Variants in PROC observed in about 807,000 individuals in gnomAD.
PROC encodes the protein vitamin K-dependent protein C.
In PROC, 22 loss-of-function variants were observed where a neutral mutation model predicts 36.3. The ratio of observed to expected loss-of-function variants is 0.61; its 90% CI spans 0.43 to 0.86. The LOEUF (loss-of-function observed/expected upper bound fraction) is 0.86. Ranked by LOEUF, PROC falls within the 40% of genes least tolerant of loss-of-function variation. The pLI is 0.00. For missense variants in PROC, 526 were observed against 629.7 expected, an observed-to-expected ratio of 0.84 and a Z score of 1.76; for synonymous variants, 218 against 244.5, an observed-to-expected ratio of 0.89 and a Z score of 1.01.
chr2:127,423,564 CG>C, intron 6 of PROC, 156 bp downstream of exon 6: 1 of 979,590 alleles, frequency 1.0e-6, no homozygotes, highest in South Asian at 1.9e-5. Context: ...GCCCCAACAC[CG>C]GGGCCACTGT....
At position 127,426,529 on chromosome 2, in the gene PROC, T is replaced by A. The variant is rs1688510636; in HGVS notation, c.678+302T>A. On this transcript the variant is annotated intron_variant, in intron 7 of 8. Coordinates refer to ENST00000234071, the MANE Select transcript of PROC (RefSeq NM_000312.4). The surrounding 1 kb of genome is among the most constrained non-coding windows in gnomAD (Gnocchi z 7.0). Reference sequence around the variant, plus strand: ...GCGGGATTTTAGGCAGAAGCCCTGCTGATGGGAGAGGGCTAGGAGGGAGGG... The same window carrying A: ...GCGGGATTTTAGGCAGAAGCCCTGCAGATGGGAGAGGGCTAGGAGGGAGGG... 2.2e-6 allele frequency: 1 copy of A among 453,154 alleles called. No homozygotes were observed. The highest frequency in any genetic ancestry group is 3.4e-5 in the Admixed American group (1 of 29,012). The allele number at this position is 453,154 out of a possible 1,614,324, so 28.1% of individuals were successfully genotyped here. A position where few individuals can be genotyped will look rare whatever the true frequency, so the allele number is the denominator to read the frequency against.
intron 6 of PROC, chr2:127,423,738 G>A: frequency 2.8e-6 from 1 of 354,178 alleles, no homozygotes; most frequent in Non-Finnish European, 5.1e-6. Flanking sequence ...TATCTGGGGC[G>A]AGGCGTGCAG....
At position 127,426,915 on chromosome 2, in the gene PROC, G is replaced by A. The variant is rs149452013; in HGVS notation, c.679-190G>A. Among the ~76,000 whole-genome samples, 96 of 152,352 alleles carry A rather than the reference G, an allele frequency of 6.3e-4. 1 individual carries two copies. Among genetic ancestry groups the A allele is most frequent in the African/African-American group, 2.3e-3 (94 of 41,584 alleles). ...TATGAACAGTGCAGGAACAGCATGG[G>A]CAAAGGCAGGAAGACACCCTGGGAC... On this transcript the variant is annotated intron_variant, in intron 7 of 8. Transcript: ENST00000234071. This position sits in a 1 kb window ranked among gnomAD's most constrained non-coding sequence, Gnocchi z 7.0.
intron 3 of PROC, among the ~76,000 whole-genome samples, chr2:127,422,406 G>A (rs1573440008): frequency 6.6e-6 from 1 of 152,246 alleles, no homozygotes; most frequent in African/African-American, 2.4e-5. Context: ...GGGTCTCAAC[G>A]TGGGCTGGGT....
At chr2:127,425,613 C>T (rs973644994) in intron 6 of PROC, among the ~76,000 whole-genome samples, 4 of 152,350 alleles carry the variant, frequency 2.6e-5, no homozygotes, top group Admixed American at 1.3e-4. Flanking sequence ...CCCCCAACAG[C>T]CCTGGGGTAC....
rs1687886729 is a variant in PROC at position 127,418,462 on chromosome 2, CG to C, written c.-51del. The C allele has an allele frequency of 7.8e-7, 1 of 1,289,664 alleles. No homozygotes were observed. Among genetic ancestry groups the C allele is most frequent in the East Asian group, 5.5e-5 (1 of 18,034 alleles). 79.9% of individuals were successfully genotyped at this position (1,289,664 alleles called of 1,614,324 possible). The stretch of plus-strand genomic sequence containing the variant: ...CCAGGCTGTCATGGCGGCAGGACGG[CG>C]AACTTGCAGTATCTCCACGACCCGC... On this transcript the variant is annotated 5_prime_UTR_variant, in exon 1 of 9. Coordinates refer to ENST00000234071, the MANE Select transcript of PROC (RefSeq NM_000312.4). This position sits in a 1 kb window ranked among gnomAD's most constrained non-coding sequence, Gnocchi z 4.8.
At chr2:127,424,833 C>T (rs1467034736) in intron 6 of PROC, among the ~76,000 whole-genome samples, 3 of 152,236 alleles carry the variant, frequency 2.0e-5, no homozygotes, top group African/African-American at 7.2e-5. Context: ...AACCCCAGAT[C>T]GTGAGGGCTT....
chr2:127,423,074 C>A lies in PROC; in HGVS notation c.303C>A (p.Cys101Ter), dbSNP rs764808999. ...TGGTCTTGCCCTTGGAGCACCCGTGCGCCAGCCTGTGCTGCGGGCACGGCA... is the reference window on the plus strand; with the variant it reads ...TGGTCTTGCCCTTGGAGCACCCGTGAGCCAGCCTGTGCTGCGGGCACGGCA... ...QCLVLPLEHP[C>*]ASLCCGHGTC... The change falls in exon 5 of 9, where the codon TGC becomes TGA. Residue 101 changes from cysteine (C) to a stop codon, truncating the protein, a stop_gained. Transcript: ENST00000234071. LOFTEE classifies it high-confidence loss of function. The A allele has an allele frequency of 6.2e-7, 1 of 1,612,042 alleles. No individual in the cohort carries two copies. Among genetic ancestry groups the A allele is most frequent in the Admixed American group, 1.7e-5 (1 of 59,998 alleles).
intron 6 of PROC, among the ~76,000 whole-genome samples, chr2:127,425,770 G>T (rs1688452598): frequency 6.6e-6 from 1 of 151,460 alleles, no homozygotes; most frequent in African/African-American, 2.4e-5. Context: ...GTATCTCAGG[G>T]ATTACCCCCA....
Position 127,427,203 on chromosome 2 carries a change from G to T in PROC, c.777G>T (p.Lys259Asn). 6.2e-7 allele frequency: 1 copy of T among 1,613,218 alleles called. No individual in the cohort carries two copies. Among genetic ancestry groups the T allele is most frequent in the Non-Finnish European group, 8.5e-7 (1 of 1,179,914 alleles). The change falls in exon 8 of 9, where the codon AAG becomes AAT. Residue 259 changes from lysine (K) to asparagine (N), a missense_variant. Transcript: ENST00000234071. ...LTAAHCMDES[K>N]KLLVRLGEYD... is the part of the protein sequence containing the mutation. ...CGGCCCACTGCATGGATGAGTCCAA[G>T]AAGCTCCTTGTCAGGCTTGGTATGG...
At position 127,420,366 on chromosome 2, in the gene PROC, A is replaced by T. The variant is rs2069909; in HGVS notation, c.70+354A>T. ...GGCTACCGTCCACACTATCCAGCAC[A>T]GCCTCCCCTACTCAAATGCACACTG... is the stretch of plus-strand genomic sequence containing the variant. On this transcript the variant is annotated intron_variant, in intron 2 of 8. Coordinates refer to ENST00000234071, the MANE Select transcript of PROC (RefSeq NM_000312.4). 4.2e-3 allele frequency among the ~76,000 whole-genome samples: 636 copies of T among 152,252 alleles called. 1 individual carries two copies. The highest frequency in any genetic ancestry group is 0.014 in the African/African-American group (562 of 41,556).
intron 2 of PROC, among the ~76,000 whole-genome samples, chr2:127,420,554 G>T (rs1437307675): frequency 6.6e-6 from 1 of 152,060 alleles, no homozygotes; most frequent in Non-Finnish European, 1.5e-5. Context: ...CTTGGGACCT[G>T]CACCTCCACC....
Position 127,419,939 on chromosome 2 carries a change from C to T in PROC, c.-4C>T, listed in dbSNP as rs2104939966. ...CTCCTCAGACAGGTGCCAGTGCCTC[C>T]AGAATGTGGCAGCTCACAAGCCTCC... On this transcript the variant is annotated 5_prime_UTR_variant, in exon 2 of 9. The change creates a premature stop within an existing upstream ORF in the 5' untranslated region. Coordinates refer to ENST00000234071, the MANE Select transcript of PROC (RefSeq NM_000312.4). 6.2e-7 allele frequency: 1 copy of T among 1,614,002 alleles called. No individual in the cohort carries two copies. Among genetic ancestry groups the T allele is most frequent in the African/African-American group, 1.3e-5 (1 of 75,058 alleles).
At chr2:127,421,562 G>T in intron 3 of PROC, 113 bp downstream of exon 3, 1 of 1,270,902 alleles carries the variant, frequency 7.9e-7, no homozygotes, top group Non-Finnish European at 1.1e-6. Context: ...AGTTGTGGGG[G>T]TGGCTGAGTG....
intron 8 of PROC, 152 bp from the exon 9 acceptor site, chr2:127,428,205 G>A: frequency 1.3e-6 from 1 of 769,574 alleles, no homozygotes; most frequent in South Asian, 1.6e-5. Flanking sequence ...CCGCGCCAGT[G>A]CCTGGGACGT....
chr2:127,426,340 T>TTGGGGGATGATGAAGG lies in PROC; in HGVS notation c.678+123_678+138dup. On this transcript the variant is annotated intron_variant, in intron 7 of 8. Coordinates refer to ENST00000234071, the MANE Select transcript of PROC (RefSeq NM_000312.4). This position sits in a 1 kb window ranked among gnomAD's most constrained non-coding sequence, Gnocchi z 7.0. ...CGAGAGGGAAGCGCTGCCATTGCGT[T>TTGGGGGATGATGAAGG]TGGGGGATGATGAAGGTGGGGGATG... is the stretch of plus-strand genomic sequence containing the variant. 1 of 1,471,066 alleles carries TTGGGGGATGATGAAGG rather than the reference T, an allele frequency of 6.8e-7. No homozygotes were observed. The highest frequency in any genetic ancestry group is 9.4e-7 in the Non-Finnish European group (1 of 1,064,494). 91.1% of individuals were successfully genotyped at this position (1,471,066 alleles called of 1,614,324 possible).
chr2:127,419,705 G>C, intron 1 of PROC: 1 of 1,110,840 alleles, frequency 9.0e-7, no homozygotes, highest in Non-Finnish European at 1.2e-6. Flanking sequence ...GCATTCTGGA[G>C]CTGCTTTCTA....
intron 6 of PROC, among the ~76,000 whole-genome samples, chr2:127,424,208 T>A (rs1259177039): frequency 2.0e-5 from 3 of 151,928 alleles, no homozygotes; most frequent in Non-Finnish European, 4.4e-5. Context: ...TTTTTTTTCT[T>A]TTTTTTTGAG....
rs1573453002 is a variant in PROC at position 127,426,128 on chromosome 2, G to A, written c.579G>A (p.Lys193=). ...CGRPWKRMEK[K]RSHLKRDTED... ...GGCCCTGGAAGCGGATGGAGAAGAA[G>A]CGCAGTCACCTGAAACGAGACACAG... is the stretch of plus-strand genomic sequence containing the variant. The change falls in exon 7 of 9, where the codon AAG becomes AAA. Residue 193 remains lysine (K), a synonymous_variant. Coordinates refer to ENST00000234071, the MANE Select transcript of PROC (RefSeq NM_000312.4). This position sits in a 1 kb window ranked among gnomAD's most constrained non-coding sequence, Gnocchi z 7.0. The A allele has an allele frequency of 6.2e-7, 1 of 1,614,112 alleles. No homozygotes were observed. The highest frequency in any genetic ancestry group is 1.3e-5 in the African/African-American group (1 of 75,042).
Sources: allele counts gnomAD v4.1 joint callset (sites outside exome capture counted in the v4.1 genomes callset), GRCh38; gene constraint gnomAD v4.1.1; non-coding constraint Gnocchi (gnomAD v3.1); transcripts MANE v1.5; gene names NCBI Gene and HGNC (gene_info 2026-07-23, HGNC 2026-07-21).